The following EXO1 variants were observed in gnomAD, a reference collection of about 807,000 sequenced individuals.
The protein encoded by EXO1 is exonuclease 1.
A neutral mutation model predicts 84.5 loss-of-function variants in EXO1; 69 were observed. The ratio of observed to expected loss-of-function variants is 0.82; its 90% CI spans 0.67 to 1.00. EXO1 has a LOEUF of 1.00. EXO1 is among the 50% of genes least tolerant of loss of function. The pLI is 0.00. For synonymous variants in EXO1, 373 were observed against 366.1 expected (o/e 1.02, Z -0.21); for missense variants, 1,045 against 1,000.7 (o/e 1.04, Z -0.60).
At chr1:241,881,857 C>T in intron 13 of EXO1, 59 bp from the exon 14 acceptor site, 1 of 821,838 alleles carries the variant, frequency 1.2e-6, no homozygotes, top group Non-Finnish European at 2.1e-6. Flanking sequence ...AGTTTGTTGT[C>T]ATAAAAATTC....
At position 241,878,831 on chromosome 1, in the gene EXO1, A is replaced by G. The variant is rs765012224; in HGVS notation, c.1597A>G (p.Lys533Glu). 25 of 1,614,010 alleles carry G rather than the reference A, an allele frequency of 1.5e-5. No homozygotes were observed. Among genetic ancestry groups the G allele is most frequent in the Non-Finnish European group, 2.1e-5 (25 of 1,179,988 alleles). ...TCTGGATGAAACTGCTGTCACAGATAAAGAGAACAATCTGCATGAATCAGA... is the reference window on the plus strand; with the variant it reads ...TCTGGATGAAACTGCTGTCACAGATGAAGAGAACAATCTGCATGAATCAGA... Reference protein sequence around the residue: ...QPLDETAVTDKENNLHESEYG... With the variant: ...QPLDETAVTDEENNLHESEYG... The change falls in exon 13 of 16, where the codon AAA becomes GAA. Residue 533 changes from lysine to glutamate, a missense_variant. Physicochemically the swap from Lys to Glu is moderately conservative, Grantham distance 56 (BLOSUM62 1). Coordinates refer to ENST00000366548, the MANE Select transcript of EXO1 (RefSeq NM_130398.4).
At chr1:241,855,250 C>T (rs1401508294) in intron 6 of EXO1, among the ~76,000 whole-genome samples, 1 of 151,650 alleles carries the variant, frequency 6.6e-6, no homozygotes, top group Non-Finnish European at 1.5e-5. Flanking sequence ...TTTACAATCC[C>T]TGAGCTGGAC....
At chr1:241,881,097 G>T in intron 13 of EXO1, among the ~76,000 whole-genome samples, 1 of 151,620 alleles carries the variant, frequency 6.6e-6, no homozygotes, top group Non-Finnish European at 1.5e-5. Context: ...GTACAATCTC[G>T]GCTCACTGCA....
chr1:241,879,037 T>C lies in EXO1; in HGVS notation c.1803T>C (p.Thr601=), dbSNP rs1662576258. The stretch of plus-strand genomic sequence containing the variant: ...TTACAAGGACCATTTCACCACCCAC[T>C]TTGGGAACACTAAGAAGTTGTTTTA... The part of the protein sequence containing the change: ...SKFTRTISPP[T]LGTLRSCFSW... Residue 601 remains threonine (T), a synonymous_variant, in exon 13 of 16, where the codon ACT becomes ACC. Coordinates refer to ENST00000366548, the MANE Select transcript of EXO1 (RefSeq NM_130398.4). The C allele has an allele frequency of 6.2e-7, 1 of 1,614,092 alleles. No homozygotes were observed. The highest frequency in any genetic ancestry group is 1.3e-5 in the African/African-American group (1 of 74,928).
intron 7 of EXO1, 23 bp from the exon 8 acceptor site, chr1:241,858,483 A>C (rs746041408): frequency 1.3e-6 from 2 of 1,555,056 alleles, no homozygotes; most frequent in South Asian, 2.2e-5. Flanking sequence ...TCTAGGTATT[A>C]ACAATTTCCC....
intron 15 of EXO1, among the ~76,000 whole-genome samples, chr1:241,887,636 GTTTA>G (rs966210544): frequency 9.2e-5 from 14 of 151,872 alleles, no homozygotes; most frequent in Middle Eastern, 3.4e-3. Flanking sequence ...TTATTTGTTT[GTTTA>G]TTTATTTATT....
chr1:241,856,894 A>G (rs886547616), intron 6 of EXO1, among the ~76,000 whole-genome samples: 2 of 152,176 alleles, frequency 1.3e-5, no homozygotes, highest in Admixed American at 1.3e-4. Context: ...TTAGTTGGGC[A>G]TGGTGGCATG....
intron 3 of EXO1, among the ~76,000 whole-genome samples, chr1:241,849,478 T>C (rs1051331167): frequency 2.0e-5 from 3 of 152,198 alleles, no homozygotes; most frequent in African/African-American, 7.2e-5. Flanking sequence ...TGTATTTGCA[T>C]AGCAGACGCA....
At chr1:241,882,980 A>G (rs1662860362) in intron 14 of EXO1, among the ~76,000 whole-genome samples, 1 of 152,192 alleles carries the variant, frequency 6.6e-6, no homozygotes, top group Non-Finnish European at 1.5e-5. Context: ...ATACAAGAAT[A>G]CTTAATACTG....
In EXO1 at chr1:241,860,641, A is replaced by G; in HGVS notation, c.881A>G (p.Lys294Arg). 1 of 1,614,080 alleles carries G rather than the reference A, an allele frequency of 6.2e-7. No individual in the cohort carries two copies. The highest frequency in any genetic ancestry group is 1.3e-5 in the African/African-American group (1 of 75,044). Residue 294 changes from lysine (K) to arginine (R), a missense_variant, in exon 9 of 16, where the codon AAA becomes AGA. Transcript: ENST00000366548. ...CTAGTTTTTGATCCCATCAAAAGGA[A>G]ACTTATTCCTCTGAACGCCTATGAA... is the stretch of plus-strand genomic sequence containing the variant. ...YQLVFDPIKR[K>R]LIPLNAYEDD...
At chr1:241,850,337 T>G in intron 3 of EXO1, 72 bp from the exon 4 acceptor site, 2 of 1,074,724 alleles carry the variant, frequency 1.9e-6, no homozygotes, top group East Asian at 2.5e-5. Flanking sequence ...TTTCTCTTCA[T>G]TTGTCTAAGA....
In EXO1 at chr1:241,868,582, C is replaced by G. The variant is rs141394347; in HGVS notation, c.1267+1527C>G. On this transcript the variant is annotated intron_variant, in intron 11 of 15. Coordinates refer to ENST00000366548, the MANE Select transcript of EXO1 (RefSeq NM_130398.4). The stretch of plus-strand genomic sequence containing the variant: ...ATTCAGGAGGCTGAGGTGGGAGGAT[C>G]GCTCGAGCCTCAGAGTTGGAGGCTG... Among the ~76,000 whole-genome samples the G allele has an allele frequency of 1.3e-3, 205 of 152,212 alleles. 1 individual carries two copies. The highest frequency in any genetic ancestry group is 6.8e-3 in the Middle Eastern group (2 of 294).
intron 10 of EXO1, among the ~76,000 whole-genome samples, chr1:241,865,054 G>GT (rs1558131441): frequency 2.1e-4 from 32 of 150,892 alleles, no homozygotes; most frequent in Admixed American, 6.6e-4. Context: ...TGTGTGTGTG[G>GT]GGGGGGGGTC....
intron 7 of EXO1, 77 bp downstream of exon 7, chr1:241,857,559 T>G: frequency 2.5e-6 from 2 of 791,948 alleles, no homozygotes; most frequent in Non-Finnish European, 3.8e-6. Context: ...ATTTTTCCTG[T>G]CCAGGAAATT....
At chr1:241,875,682 T>C (rs150969364) in intron 12 of EXO1, among the ~76,000 whole-genome samples, 3 of 152,042 alleles carry the variant, frequency 2.0e-5, no homozygotes, top group Non-Finnish European at 4.4e-5. Flanking sequence ...ATCGAGACCA[T>C]CCTGGCTAAC....
chr1:241,877,006 T>C (rs1662441963), intron 12 of EXO1, among the ~76,000 whole-genome samples: 1 of 152,238 alleles, frequency 6.6e-6, no homozygotes, highest in African/African-American at 2.4e-5. Flanking sequence ...CCATAATGCC[T>C]AGTCATTAAT....
At chr1:241,873,878 A>G (rs1000917137) in intron 12 of EXO1, among the ~76,000 whole-genome samples, 2 of 152,134 alleles carry the variant, frequency 1.3e-5, no homozygotes. Flanking sequence ...GACCGGCACC[A>G]AGTACCTTCC....
In EXO1 at chr1:241,878,827, A is replaced by C. The variant is rs1662559312; in HGVS notation, c.1593A>C (p.Thr531=). The part of the protein sequence containing the change: ...SIQPLDETAV[T]DKENNLHESE... Reference sequence around the variant, plus strand: ...AGCCTCTGGATGAAACTGCTGTCACAGATAAAGAGAACAATCTGCATGAAT... The same window carrying C: ...AGCCTCTGGATGAAACTGCTGTCACCGATAAAGAGAACAATCTGCATGAAT... Residue 531 remains threonine (T), a synonymous_variant, in exon 13 of 16, where the codon ACA becomes ACC. Transcript: ENST00000366548. 1.2e-6 allele frequency: 2 copies of C among 1,614,040 alleles called. No individual in the cohort carries two copies. The highest frequency in any genetic ancestry group is 1.7e-6 in the Non-Finnish European group (2 of 1,180,020).
chr1:241,879,768 GC>G (rs1055534634), intron 13 of EXO1, among the ~76,000 whole-genome samples: 5 of 152,170 alleles, frequency 3.3e-5, no homozygotes, highest in Non-Finnish European at 7.4e-5. Flanking sequence ...ACTTTGGGAG[GC>G]CGAGGCGAGC....
Sources: allele counts gnomAD v4.1 joint callset (sites outside exome capture counted in the v4.1 genomes callset), GRCh38; gene constraint gnomAD v4.1.1; transcripts MANE v1.5; gene names NCBI Gene and HGNC (gene_info 2026-07-23, HGNC 2026-07-21).